Variants in CFAP61 observed in about 807,000 individuals in gnomAD.
CFAP61 encodes cilia- and flagella-associated protein 61.
CFAP61 carries 107 observed loss-of-function variants against 135.6 expected under a neutral mutation model. The ratio of observed to expected loss-of-function variants is 0.79; its 90% CI spans 0.67 to 0.93. CFAP61 has a LOEUF of 0.93. CFAP61 is among the 40% of genes least tolerant of loss of function. CFAP61 has a pLI of 0.00. For missense variants in CFAP61, 1,507 were observed against 1,556.2 expected (o/e 0.97, Z 0.53); for synonymous variants, 575 against 578.5 (o/e 0.99, Z 0.09).
intron 26 of CFAP61, among the ~76,000 whole-genome samples, chr20:20,350,493 A>G (rs2058795698): frequency 6.6e-6 from 1 of 152,074 alleles, no homozygotes. Flanking sequence ...GCCGGACGTG[A>G]TAGTGCACAC....
intron 10 of CFAP61, among the ~76,000 whole-genome samples, chr20:20,161,287 C>T (rs192316432): frequency 5.9e-4 from 90 of 152,270 alleles, no homozygotes; most frequent in African/African-American, 2.0e-3. Flanking sequence ...ACCACTGCAT[C>T]AAACATGGTT....
intron 25 of CFAP61, among the ~76,000 whole-genome samples, chr20:20,298,885 C>T (rs998239644): frequency 6.6e-6 from 1 of 152,184 alleles, no homozygotes; most frequent in South Asian, 2.1e-4. Context: ...ACTGACAGGT[C>T]GGTTAGACTT....
At chr20:20,113,626 T>A (rs938261511) in intron 8 of CFAP61, among the ~76,000 whole-genome samples, 3 of 152,166 alleles carry the variant, frequency 2.0e-5, no homozygotes, top group Non-Finnish European at 4.4e-5. Flanking sequence ...CCTTTTACAT[T>A]TAGATCTACC....
At chr20:20,075,669 T>C (rs1600465682) in intron 6 of CFAP61, 54 bp downstream of exon 6, 2 of 1,591,472 alleles carry the variant, frequency 1.3e-6, no homozygotes, top group Non-Finnish European at 1.7e-6. Flanking sequence ...ACAGTCATCT[T>C]CCCAAGACTC....
intron 16 of CFAP61, among the ~76,000 whole-genome samples, chr20:20,198,294 G>A (rs75877326): frequency 6.6e-6 from 1 of 152,236 alleles, no homozygotes; most frequent in Non-Finnish European, 1.5e-5. Flanking sequence ...CCTTCAGGAT[G>A]TGATATTAAA....
Position 20,251,744 on chromosome 20 carries a change from G to C in CFAP61, c.2309G>C (p.Cys770Ser), listed in dbSNP as rs2146985511. The change falls in exon 20 of 27, where the codon TGC (cysteine) becomes TCC (serine). Residue 770 changes from cysteine to serine, a missense_variant. Physicochemically the swap from Cys to Ser is moderately radical, Grantham distance 112. Transcript: ENST00000245957. ...EIVPYDHLILCTGQQYQVPCP... is the reference protein window; with the variant it reads ...EIVPYDHLILSTGQQYQVPCP... ...GTGCCCTACGACCACCTCATCCTCT[G>C]CACCGGGCAGCAGTACCAGGTAAGG... 1.2e-6 allele frequency: 2 copies of C among 1,613,696 alleles called. No homozygotes were observed. The highest frequency in any genetic ancestry group is 4.5e-5 in the East Asian group (2 of 44,878).
intron 26 of CFAP61, among the ~76,000 whole-genome samples, chr20:20,356,282 T>A (rs1459652995): frequency 3.1e-4 from 29 of 93,830 alleles, no homozygotes; most frequent in Non-Finnish European, 4.2e-4. Context: ...CTGTGAAGGG[T>A]GGTAGTCACA....
intron 13 of CFAP61, among the ~76,000 whole-genome samples, chr20:20,176,980 T>G (rs1418541841): frequency 6.6e-6 from 1 of 152,120 alleles, no homozygotes; most frequent in Non-Finnish European, 1.5e-5. Flanking sequence ...TTATTTTATT[T>G]TATATTTATT....
intron 20 of CFAP61, among the ~76,000 whole-genome samples, chr20:20,258,235 C>T (rs995250247): frequency 5.9e-5 from 9 of 152,146 alleles, no homozygotes; most frequent in Admixed American, 2.0e-4. Context: ...AAATTTCACA[C>T]AGCTATTAGA....
intron 20 of CFAP61, among the ~76,000 whole-genome samples, chr20:20,261,254 A>C (rs975623904): frequency 1.3e-5 from 2 of 152,216 alleles, no homozygotes; most frequent in African/African-American, 4.8e-5. Context: ...TCTATTGAGG[A>C]AGTGTATAAC....
intron 17 of CFAP61, 105 bp downstream of exon 17, chr20:20,200,007 C>A: frequency 7.5e-7 from 1 of 1,329,198 alleles, no homozygotes. Flanking sequence ...TTCTTAATTA[C>A]AGGGAACCTG....
intron 18 of CFAP61, among the ~76,000 whole-genome samples, chr20:20,239,786 A>G (rs931533575): frequency 6.6e-6 from 1 of 152,218 alleles, no homozygotes; most frequent in African/African-American, 2.4e-5. Context: ...TTAAAACCGG[A>G]AACCGTTGAG....
At chr20:20,252,008 G>C (rs1235293143) in intron 20 of CFAP61, among the ~76,000 whole-genome samples, 2 of 152,206 alleles carry the variant, frequency 1.3e-5, no homozygotes, top group African/African-American at 4.8e-5. Context: ...CAGCAAGTTG[G>C]AGAAATGTCA....
chr20:20,142,870 G>A lies in CFAP61; in HGVS notation c.873G>A (p.Arg291=), dbSNP rs2146752347. The change falls in exon 9 of 27, where the codon AGG becomes AGA. Residue 291 remains arginine, a synonymous_variant. Transcript: ENST00000245957. The part of the protein sequence containing the change: ...SVRRSQDAEL[R]SSSQGSQKIV... The stretch of plus-strand genomic sequence containing the variant: ...CTTCTCTCAAAGATGCTGAGCTCAG[G>A]AGTAGCAGCCAAGGTTCCCAAAAAA... The A allele has an allele frequency of 6.2e-7, 1 of 1,601,048 alleles. No individual in the cohort carries two copies. The highest frequency in any genetic ancestry group is 1.3e-5 in the African/African-American group (1 of 74,810).
chr20:20,094,414 A>G (rs1294845629), intron 7 of CFAP61: 1 of 152,218 alleles, frequency 6.6e-6, no homozygotes, highest in Non-Finnish European at 1.5e-5. Context: ...TTTCATGACC[A>G]AACTTTACTT....
At chr20:20,144,923 C>T in intron 9 of CFAP61, among the ~76,000 whole-genome samples, 1 of 151,906 alleles carries the variant, frequency 6.6e-6, no homozygotes, top group Non-Finnish European at 1.5e-5. Context: ...AATTTTATAC[C>T]CAGTAAATAT....
rs1352514389 is a variant in CFAP61, at chr20:20,090,827, G to A, written c.567-17G>A. 10 of 1,613,362 alleles carry A rather than the reference G, an allele frequency of 6.2e-6. No homozygotes were observed. Among genetic ancestry groups the A allele is most frequent in the Non-Finnish European group, 8.5e-6 (10 of 1,179,616 alleles). On this transcript the variant is annotated splice_polypyrimidine_tract_variant and intron_variant, in intron 6 of 26. Coordinates refer to ENST00000245957, the MANE Select transcript of CFAP61 (RefSeq NM_015585.4). The stretch of plus-strand genomic sequence containing the variant: ...ATGAGTGAACGAACACTGAACTTCA[G>A]CCTTTCTATTAAACAGGGTGGAAGA...
At chr20:20,068,370 G>A (rs2045459544) in intron 2 of CFAP61, among the ~76,000 whole-genome samples, 1 of 152,238 alleles carries the variant, frequency 6.6e-6, no homozygotes, top group Admixed American at 6.5e-5. Flanking sequence ...GGAGGGAGAT[G>A]ACTTACAGGT....
At chr20:20,110,642 T>A (rs1490844429) in intron 8 of CFAP61, among the ~76,000 whole-genome samples, 1 of 152,158 alleles carries the variant, frequency 6.6e-6, no homozygotes, top group Non-Finnish European at 1.5e-5. Flanking sequence ...GTTTGCAGTT[T>A]GAAGGTTGTT....
Sources: allele counts gnomAD v4.1 joint callset (sites outside exome capture counted in the v4.1 genomes callset), GRCh38; gene constraint gnomAD v4.1.1; transcripts MANE v1.5; gene names NCBI Gene and HGNC (gene_info 2026-07-23, HGNC 2026-07-21).